The following PRDM7 variants were observed in gnomAD, a reference collection of about 807,000 sequenced individuals.
The protein encoded by PRDM7 is histone-lysine N-methyltransferase PRDM7.
PRDM7 carries 52 observed loss-of-function variants against 64.3 expected under a neutral mutation model. The ratio of observed to expected loss-of-function variants is 0.81; its 90% CI spans 0.65 to 1.02. The LOEUF (loss-of-function observed/expected upper bound fraction) is 1.02, where lower values mean the gene tolerates loss of function less well. Ranked by LOEUF, PRDM7 falls within the 50% of genes least tolerant of loss-of-function variation. The probability of loss-of-function intolerance (pLI) is 0.00; values close to 1 mark genes in which losing one functional copy is unlikely to be tolerated. For missense variants in PRDM7, 574 were observed against 597.1 expected (o/e 0.96, Z 0.40); for synonymous variants, 192 against 210.1 (o/e 0.91, Z 0.74).
In PRDM7 at chr16:90,077,319, C is replaced by T. The variant is rs35986951; in HGVS notation, c.-179G>A. On this transcript the variant is annotated 5_prime_UTR_variant, in exon 1 of 11. Coordinates refer to ENST00000449207, the MANE Select transcript of PRDM7 (RefSeq NM_001098173.2). ...TGTTCACCCTGGCCGGGCGTCTTCTCGGAGCCGCTCAGGAGGTGAGACGCG... is the reference window on the plus strand; with the variant it reads ...TGTTCACCCTGGCCGGGCGTCTTCTTGGAGCCGCTCAGGAGGTGAGACGCG... 75,785 of 152,202 alleles carry T rather than the reference C, an allele frequency of 0.5. 22,039 individuals carry two copies. The highest frequency in any genetic ancestry group is 0.77 in the Middle Eastern group (227 of 294). 9.4% of individuals were successfully genotyped at this position (152,202 alleles called of 1,614,324 possible).
chr16:90,066,006 A>G (rs2037867605), intron 5 of PRDM7, among the ~76,000 whole-genome samples: 1 of 151,176 alleles, frequency 6.6e-6, no homozygotes, highest in South Asian at 2.1e-4. Context: ...CAGGCTAAAC[A>G]AATAATTCCA....
chr16:90,058,932 C>T (rs535909207), intron 10 of PRDM7, among the ~76,000 whole-genome samples: 4 of 152,198 alleles, frequency 2.6e-5, no homozygotes, highest in Non-Finnish European at 5.9e-5. Flanking sequence ...TTTTGCGACG[C>T]GAGGTTTTCA....
chr16:90,061,881 G>A (rs2037783554), intron 8 of PRDM7, 40 bp downstream of exon 8: 1 of 1,613,454 alleles, frequency 6.2e-7, no homozygotes, highest in African/African-American at 1.3e-5. Flanking sequence ...CAGAAGGGAT[G>A]TGGGAAGACA....
rs1265406205 is a variant in PRDM7, at chr16:90,062,417, C to T, written c.594G>A (p.Gln198=). The change falls in exon 7 of 11, where the codon CAG becomes CAA. Residue 198 remains glutamine (Q), a synonymous_variant. Coordinates refer to ENST00000449207, the MANE Select transcript of PRDM7 (RefSeq NM_001098173.2). ...GTCACTCACAGAGGTAGTCATCATC[C>T]TGTGGCTCGCTGATCTCTTTGTATG... The part of the protein sequence containing the change: ...GHAYKEISEP[Q]DDDYLYCEMC... The T allele has an allele frequency of 1.9e-6, 3 of 1,614,110 alleles. No individual in the cohort carries two copies. The highest frequency in any genetic ancestry group is 2.5e-6 in the Non-Finnish European group (3 of 1,179,976).
chr16:90,070,628 G>A (rs1336116737), intron 4 of PRDM7, among the ~76,000 whole-genome samples: 1 of 151,054 alleles, frequency 6.6e-6, no homozygotes, highest in Non-Finnish European at 1.5e-5. Context: ...AAGAGGAAGA[G>A]AGAAATTTCT....
At chr16:90,063,398 A>G (rs1389280699) in intron 6 of PRDM7, among the ~76,000 whole-genome samples, 1 of 152,182 alleles carries the variant, frequency 6.6e-6, no homozygotes, top group Non-Finnish European at 1.5e-5. Flanking sequence ...AGATCTCACC[A>G]TTGCACTCCA....
rs112860958 is a variant in PRDM7, at chr16:90,060,774, T to C, written c.951-151A>G. Among the ~76,000 whole-genome samples the C allele has an allele frequency of 1.1e-4, 17 of 152,350 alleles. 1 individual carries two copies. Among genetic ancestry groups the C allele is most frequent in the Admixed American group, 5.2e-4 (8 of 15,308 alleles). ...AACTCCAGACTTACCTCCACCTTGA[T>C]TGGCCATAAAACACATTGACCTCTA... On this transcript the variant is annotated intron_variant, in intron 9 of 10. Transcript: ENST00000449207.
At chr16:90,071,985 G>T (rs1429837807) in intron 4 of PRDM7, among the ~76,000 whole-genome samples, 1 of 152,068 alleles carries the variant, frequency 6.6e-6, no homozygotes, top group Non-Finnish European at 1.5e-5. Context: ...GAGGTCAGGA[G>T]ATCGAGCCCA....
rs2038022948 is a variant in PRDM7, at chr16:90,075,463, G to A, written c.81C>T (p.Ala27=). The A allele has an allele frequency of 6.2e-7, 1 of 1,614,122 alleles. No individual in the cohort carries two copies. The highest frequency in any genetic ancestry group is 8.5e-7 in the Non-Finnish European group (1 of 1,180,018). Residue 27 remains alanine (A), a synonymous_variant, in exon 3 of 11, where the codon GCC becomes GCT. Coordinates refer to ENST00000449207, the MANE Select transcript of PRDM7 (RefSeq NM_001098173.2). The surrounding 1 kb of genome is among the most constrained non-coding windows in gnomAD (Gnocchi z 4.3). ...RTERKPMVKD[A]FKDISIYFTK... ...TGAAGTATATGGAAATGTCTTTGAA[G>A]GCATCTTTGACCTAGAGGAAGTAAC...
intron 6 of PRDM7, 31 bp downstream of exon 6, chr16:90,063,581 G>T (rs1008203376): frequency 6.2e-7 from 1 of 1,608,994 alleles, no homozygotes; most frequent in African/African-American, 1.3e-5. Flanking sequence ...AGGACATAGA[G>T]GGACTAAATT....
chr16:90,068,649 A>G (rs12447902), intron 4 of PRDM7, among the ~76,000 whole-genome samples: 108,610 of 148,476 alleles, frequency 0.73, 42,683 homozygotes, highest in Middle Eastern at 0.91. Flanking sequence ...AAAAAAAAAA[A>G]AAAGAAGTAA....
intron 10 of PRDM7, among the ~76,000 whole-genome samples, chr16:90,059,288 T>C (rs1227072703): frequency 1.3e-5 from 2 of 152,228 alleles, no homozygotes; most frequent in Non-Finnish European, 2.9e-5. Flanking sequence ...AATGAGAATA[T>C]GCTCTTTGTC....
chr16:90,057,865 G>A lies in PRDM7; in HGVS notation c.*424C>T, dbSNP rs3809643. 10 of 1,527,848 alleles carry A rather than the reference G, an allele frequency of 6.5e-6. No individual in the cohort carries two copies. Among genetic ancestry groups the A allele is most frequent in the African/African-American group, 2.7e-5 (2 of 72,842 alleles). The allele number at this position is 1,527,848 out of a possible 1,614,324, so 94.6% of individuals were successfully genotyped here. A position where few individuals can be genotyped will look rare whatever the true frequency, so the allele number is the denominator to read the frequency against. On this transcript the variant is annotated 3_prime_UTR_variant, in exon 11 of 11. Coordinates refer to ENST00000449207, the MANE Select transcript of PRDM7 (RefSeq NM_001098173.2). ...ACTCATCCTTCCTGCAGACTGGGGCGTCTCCCCTGTGTGTCCTCTGGTGAA... is the reference window on the plus strand; with the variant it reads ...ACTCATCCTTCCTGCAGACTGGGGCATCTCCCCTGTGTGTCCTCTGGTGAA...
At position 90,060,141 on chromosome 16, in the gene PRDM7, C is replaced by T. The variant is rs182305821; in HGVS notation, c.1233+200G>A. ...GCATGAAGTACTTTGAATATAAAAT[C>T]GGAACAAAGATTTAAAAATATAAAA... On this transcript the variant is annotated intron_variant, in intron 10 of 10. Coordinates refer to ENST00000449207, the MANE Select transcript of PRDM7 (RefSeq NM_001098173.2). 7.3e-4 allele frequency among the ~76,000 whole-genome samples: 111 copies of T among 152,194 alleles called. No homozygotes were observed. In the Middle Eastern group the frequency reaches 0.014, roughly 19 times the overall value.
At chr16:90,064,163 G>A (rs1320332448) in intron 5 of PRDM7, among the ~76,000 whole-genome samples, 1 of 152,138 alleles carries the variant, frequency 6.6e-6, no homozygotes, top group East Asian at 1.9e-4. Flanking sequence ...AAGCACATCT[G>A]GAAAATGAGG....
intron 10 of PRDM7, 109 bp downstream of exon 10, chr16:90,060,232 T>G: frequency 6.6e-7 from 1 of 1,522,026 alleles, no homozygotes. Context: ...GATGTAAAAT[T>G]TTACTGACTT....
At position 90,057,249 on chromosome 16, in the gene PRDM7, T is replaced by C. The variant is rs1271618886; in HGVS notation, c.*1040A>G. The C allele has an allele frequency of 6.5e-6, 1 of 153,186 alleles. No individual in the cohort carries two copies. The allele number at this position is 153,186 out of a possible 1,614,324, so 9.5% of individuals were successfully genotyped here. ...GGAGACAGGGGGAGCCAAGGGGGAG[T>C]ATGGCAGCAGAGGAGAGGGGTCCAT... On this transcript the variant is annotated 3_prime_UTR_variant, in exon 11 of 11. Coordinates refer to ENST00000449207, the MANE Select transcript of PRDM7 (RefSeq NM_001098173.2).
intron 10 of PRDM7, 94 bp downstream of exon 10, chr16:90,060,247 C>A (rs1056541121): frequency 4.4e-6 from 7 of 1,581,136 alleles, no homozygotes; most frequent in African/African-American, 2.7e-5. Context: ...TGACTTTAGA[C>A]GGCGTTTTAC....
intron 4 of PRDM7, among the ~76,000 whole-genome samples, chr16:90,068,843 A>C (rs1218968339): frequency 6.6e-6 from 1 of 151,224 alleles, no homozygotes. Flanking sequence ...ACTACAAAAC[A>C]GTGCCGACAG....
Sources: gnomAD v4.1 joint callset for allele counts (sites outside exome capture counted in the v4.1 genomes callset) on GRCh38, gnomAD v4.1.1 for gene constraint, Gnocchi (gnomAD v3.1) non-coding constraint, MANE v1.5 for transcripts, NCBI Gene and HGNC (gene_info 2026-07-23, HGNC 2026-07-21) for gene names.